MEOX2: variants seen among roughly 807,000 people sequenced by gnomAD.
MEOX2 encodes the protein mesenchyme homeobox 2, also known as homeobox protein MOX-2.
MEOX2 carries 11 observed loss-of-function variants against 27.0 expected under a neutral mutation model. That is an observed-to-expected ratio of 0.41 (90% CI 0.26 to 0.68). MEOX2 has a LOEUF of 0.68. Ranked by LOEUF, MEOX2 falls within the 30% of genes least tolerant of loss-of-function variation. The probability of loss-of-function intolerance (pLI) is 0.33; values close to 1 mark genes in which losing one functional copy is unlikely to be tolerated. For missense variants in MEOX2, 436 were observed against 385.4 expected, an observed-to-expected ratio of 1.13 and a Z score of -1.10; for synonymous variants, 189 against 155.4, an observed-to-expected ratio of 1.22 and a Z score of -1.61.
intron 1 of MEOX2, among the ~76,000 whole-genome samples, chr7:15,641,942 A>G (rs996664453): frequency 3.3e-5 from 5 of 152,240 alleles, no homozygotes; most frequent in Non-Finnish European, 7.4e-5. Context: ...TGAGCCCCCA[A>G]TCTCTTCTGG....
chr7:15,629,511 C>A (rs544292218), intron 1 of MEOX2, among the ~76,000 whole-genome samples: 1 of 152,042 alleles, frequency 6.6e-6, no homozygotes, highest in Admixed American at 6.6e-5. Context: ...ATATTTATAA[C>A]CACACAAAGA....
At chr7:15,618,413 T>C (rs1341984034) in intron 2 of MEOX2, among the ~76,000 whole-genome samples, 1 of 152,054 alleles carries the variant, frequency 6.6e-6, no homozygotes, top group Non-Finnish European at 1.5e-5. Context: ...GGAATTTGTA[T>C]ATTCTGAGCC....
chr7:15,668,739 G>A (rs1362525824), intron 1 of MEOX2, among the ~76,000 whole-genome samples: 1 of 152,074 alleles, frequency 6.6e-6, no homozygotes, highest in African/African-American at 2.4e-5. Context: ...GCCTCCCAAA[G>A]TGCTGAGATT....
In MEOX2 at chr7:15,668,340, C is replaced by A. The variant is rs1782042065; in HGVS notation, c.517+17546G>T. Reference sequence around the variant, plus strand: ...CCTTATGATTTTCTCAATAACATTTCTTTTCTCTGGCTTTACTTTATTGTA... The same window carrying A: ...CCTTATGATTTTCTCAATAACATTTATTTTCTCTGGCTTTACTTTATTGTA... On this transcript the variant is annotated intron_variant, in intron 1 of 2. Coordinates refer to ENST00000262041, the MANE Select transcript of MEOX2 (RefSeq NM_005924.5). 2.6e-5 allele frequency: 4 copies of A among 152,136 alleles called. 1 individual carries two copies. In the South Asian group the frequency reaches 8.3e-4, roughly 32 times the overall value. The allele number at this position is 152,136 out of a possible 1,614,324, so 9.4% of individuals were successfully genotyped here. A position where few individuals can be genotyped will look rare whatever the true frequency, so the allele number is the denominator to read the frequency against.
At chr7:15,639,566 C>T (rs1781529958) in intron 1 of MEOX2, among the ~76,000 whole-genome samples, 2 of 151,584 alleles carry the variant, frequency 1.3e-5, no homozygotes, top group Non-Finnish European at 1.5e-5. Context: ...AAAGTTCTTC[C>T]TAGATTTTCC....
intron 1 of MEOX2, among the ~76,000 whole-genome samples, chr7:15,656,938 T>G (rs542113875): frequency 2.2e-4 from 33 of 152,196 alleles, no homozygotes; most frequent in African/African-American, 7.7e-4. Flanking sequence ...TCCCTGTCAT[T>G]CCTGAGAATA....
At chr7:15,647,544 A>G (rs996151420) in intron 1 of MEOX2, among the ~76,000 whole-genome samples, 1 of 152,090 alleles carries the variant, frequency 6.6e-6, no homozygotes, top group Non-Finnish European at 1.5e-5. Context: ...ATTAGCATAG[A>G]CATTCTCAAG....
chr7:15,648,623 G>T (rs1355986136), intron 1 of MEOX2, among the ~76,000 whole-genome samples: 1 of 151,988 alleles, frequency 6.6e-6, no homozygotes, highest in African/African-American at 2.4e-5. Flanking sequence ...GAAAAATACG[G>T]ACCTGAGACA....
chr7:15,652,402 C>T (rs182490999), intron 1 of MEOX2, among the ~76,000 whole-genome samples: 119 of 152,084 alleles, frequency 7.8e-4, no homozygotes, highest in Admixed American at 1.2e-3. Context: ...CTTTTGTAAA[C>T]ACCAGTCATA....
chr7:15,678,992 G>A (rs985435888), intron 1 of MEOX2: 1 of 152,140 alleles, frequency 6.6e-6, no homozygotes, highest in Admixed American at 6.6e-5. Context: ...AAAAACTGCA[G>A]GGACTTTTAT....
At chr7:15,615,233 G>A (rs1404132646) in intron 2 of MEOX2, among the ~76,000 whole-genome samples, 2 of 151,924 alleles carry the variant, frequency 1.3e-5, no homozygotes, top group East Asian at 3.9e-4. Flanking sequence ...TTATTCTTAT[G>A]TTATAGATGA....
At chr7:15,617,619 C>G (rs17168906) in intron 2 of MEOX2, among the ~76,000 whole-genome samples, 7,679 of 152,052 alleles carry the variant, frequency 0.051, 262 homozygotes, top group African/African-American at 0.1. Context: ...CTTATTGGAG[C>G]CACTAATTGA....
At chr7:15,619,234 A>G (rs1017101712) in intron 2 of MEOX2, among the ~76,000 whole-genome samples, 48 of 152,114 alleles carry the variant, frequency 3.2e-4, no homozygotes, top group African/African-American at 1.1e-3. Context: ...TCAGTTTTAG[A>G]ATTTTTTTTA....
chr7:15,625,443 G>A (rs1024716700), intron 2 of MEOX2, among the ~76,000 whole-genome samples: 3 of 152,152 alleles, frequency 2.0e-5, no homozygotes, highest in Non-Finnish European at 4.4e-5. Flanking sequence ...CCACAGAAAA[G>A]TGTTCCTCTG....
chr7:15,677,066 AT>A (rs1782206498), intron 1 of MEOX2, among the ~76,000 whole-genome samples: 1 of 152,114 alleles, frequency 6.6e-6, no homozygotes, highest in South Asian at 2.1e-4. Flanking sequence ...TTCACCTTAC[AT>A]TTCAGGGAAA....
At chr7:15,632,885 C>T (rs939468270) in intron 1 of MEOX2, among the ~76,000 whole-genome samples, 1 of 151,934 alleles carries the variant, frequency 6.6e-6, no homozygotes, top group African/African-American at 2.4e-5. Context: ...ATCCATCCAA[C>T]AAAACAAGGC....
At chr7:15,658,875 T>A (rs922549339) in intron 1 of MEOX2, among the ~76,000 whole-genome samples, 2 of 152,234 alleles carry the variant, frequency 1.3e-5, no homozygotes, top group Non-Finnish European at 2.9e-5. Context: ...ATTTATTTTT[T>A]AAGACAACCA....
At position 15,684,105 on chromosome 7, in the gene MEOX2, T is replaced by C. The variant is rs191802843; in HGVS notation, c.517+1781A>G. Among the ~76,000 whole-genome samples, 279 of 152,296 alleles carry C rather than the reference T, an allele frequency of 1.8e-3. 1 individual carries two copies. Among genetic ancestry groups the C allele is most frequent in the East Asian group, 0.016 (82 of 5,188 alleles). ...CCAAACAAAATAACATGTGCTTGTA[T>C]GAAAATTGTTTGCCCTGAGAAACTT... On this transcript the variant is annotated intron_variant, in intron 1 of 2. Coordinates refer to ENST00000262041, the MANE Select transcript of MEOX2 (RefSeq NM_005924.5).
At chr7:15,614,091 C>A (rs1464089690) in intron 2 of MEOX2, among the ~76,000 whole-genome samples, 1 of 149,730 alleles carries the variant, frequency 6.7e-6, no homozygotes, top group East Asian at 1.9e-4. Flanking sequence ...TTTTCTTTTT[C>A]TAAAAAAATC....
Sources: allele counts gnomAD v4.1 joint callset (sites outside exome capture counted in the v4.1 genomes callset), GRCh38; gene constraint gnomAD v4.1.1; transcripts MANE v1.5; gene names NCBI Gene and HGNC (gene_info 2026-07-23, HGNC 2026-07-21).